Variants in TSC22D3 observed in about 807,000 individuals in gnomAD.
TSC22D3 encodes TSC22 domain family member 3.
Under a neutral mutation model 11.1 loss-of-function variants are expected in TSC22D3, and 4 were observed. The observed-to-expected ratio is 0.36, with a 90% CI of 0.18 to 0.83. TSC22D3 has a LOEUF of 0.83. Ranked by LOEUF, TSC22D3 falls within the 40% of genes least tolerant of loss-of-function variation. TSC22D3 has a pLI of 0.48. For synonymous variants in TSC22D3, 77 were observed against 70.3 expected, an observed-to-expected ratio of 1.10 and a Z score of -0.48; for missense variants, 118 against 159.4, an observed-to-expected ratio of 0.74 and a Z score of 1.40.
intron 1 of TSC22D3, among the ~76,000 whole-genome samples, chrX:107,748,350 C>T (rs1272371717): frequency 8.9e-6 from 1 of 111,761 alleles, no homozygotes; most frequent in Non-Finnish European, 1.9e-5. Context: ...TGAAATGAGA[C>T]TCAAGTGAGC....
intron 1 of TSC22D3, among the ~76,000 whole-genome samples, chrX:107,725,809 G>GGGGGA (rs1927591299): frequency 1.8e-5 from 2 of 111,545 alleles, no homozygotes; most frequent in Non-Finnish European, 3.8e-5. Context: ...GACATGCGGC[G>GGGGGA]GGGGAGGGGT....
intron 1 of TSC22D3, chrX:107,716,200 G>T: frequency 1.3e-6 from 1 of 774,160 alleles, no homozygotes; most frequent in Admixed American, 4.1e-5. Context: ...GGAGCTGCTT[G>T]CGAGTCCTGG....
rs766239792 is a variant in TSC22D3, at chrX:107,716,943, G to A, written c.321-993C>T. On this transcript the variant is annotated intron_variant, in intron 1 of 2. Transcript: ENST00000372383. ...CCGGCCCTGAGGCTAGGAGCGGGGC[G>A]AAGGCTGCAGAACGAACCCAAAGCC... 1.1e-4 allele frequency: 124 copies of A among 1,096,296 alleles called. No individual in the cohort carries two copies. In the African/African-American group the frequency reaches 2.0e-3, roughly 18 times the overall value. The allele number at this position is 1,096,296 out of a possible 1,213,427, so 90.3% of individuals were successfully genotyped here. A position where few individuals can be genotyped will look rare whatever the true frequency, so the allele number is the denominator to read the frequency against.
intron 1 of TSC22D3, among the ~76,000 whole-genome samples, chrX:107,749,187 A>G (rs1928820813): frequency 2.6e-5 from 1 of 38,524 alleles, no homozygotes; most frequent in South Asian, 7.4e-4. Flanking sequence ...ATACACACAC[A>G]CACACACACA....
At chrX:107,768,828 A>T (rs1194163629) in intron 1 of TSC22D3, among the ~76,000 whole-genome samples, 1 of 112,946 alleles carries the variant, frequency 8.9e-6, no homozygotes, top group Non-Finnish European at 1.9e-5. Flanking sequence ...AAGGTATGCT[A>T]GACCTTGGCC....
intron 1 of TSC22D3, among the ~76,000 whole-genome samples, chrX:107,734,807 G>A (rs1233278903): frequency 1.0e-5 from 1 of 95,562 alleles, no homozygotes; most frequent in Non-Finnish European, 2.0e-5. Flanking sequence ...CTTATTGAGA[G>A]TTTATTATAT....
chrX:107,745,271 C>G (rs938288339), intron 1 of TSC22D3, among the ~76,000 whole-genome samples: 4 of 112,176 alleles, frequency 3.6e-5, no homozygotes, highest in African/African-American at 9.7e-5. Flanking sequence ...TCATCCATCT[C>G]TTTGGCAAGA....
intron 1 of TSC22D3, among the ~76,000 whole-genome samples, chrX:107,724,035 C>T (rs992388564): frequency 7.1e-5 from 8 of 112,752 alleles, no homozygotes; most frequent in African/African-American, 6.4e-5. Flanking sequence ...CTAGGGCCCT[C>T]GCTTACCTCA....
intron 1 of TSC22D3, among the ~76,000 whole-genome samples, chrX:107,726,132 T>G (rs749121044): frequency 2.7e-5 from 3 of 111,326 alleles, no homozygotes; most frequent in Non-Finnish European, 5.7e-5. Context: ...CCTCACCCCA[T>G]TCCATTGCTT....
Position 107,742,215 on chromosome X carries a change from G to A in TSC22D3, c.321-26265C>T, listed in dbSNP as rs138287605. Among the ~76,000 whole-genome samples, 648 of 106,987 alleles carry A rather than the reference G, an allele frequency of 6.1e-3. 4 individuals are homozygous for A. Among genetic ancestry groups the A allele is most frequent in the African/African-American group, 0.017 (506 of 29,029 alleles). The allele number at this position is 106,987 out of a possible 115,157, so 92.9% of individuals were successfully genotyped here. ...AGAGCCATGTTAAAGGGCTTGGGAC[G>A]GGTGTGCAGTTAAGTCTCAGCATAT... On this transcript the variant is annotated intron_variant, in intron 1 of 2. Transcript: ENST00000372383.
At chrX:107,758,017 C>A (rs1929253779) in intron 1 of TSC22D3, among the ~76,000 whole-genome samples, 2 of 110,828 alleles carry the variant, frequency 1.8e-5, no homozygotes, top group Non-Finnish European at 1.9e-5. Flanking sequence ...CAAAGCAAGA[C>A]CCTGTCTCAA....
At chrX:107,734,503 T>G (rs1928033852) in intron 1 of TSC22D3, among the ~76,000 whole-genome samples, 1 of 111,911 alleles carries the variant, frequency 8.9e-6, no homozygotes, top group Admixed American at 9.4e-5. Flanking sequence ...CATGGTCTCA[T>G]TTTTTGGCCC....
At chrX:107,736,680 G>T (rs915248583) in intron 1 of TSC22D3, among the ~76,000 whole-genome samples, 12 of 110,969 alleles carry the variant, frequency 1.1e-4, no homozygotes, top group Non-Finnish European at 2.1e-4. Flanking sequence ...TCGTCTTTCG[G>T]TCTGTGCTCG....
chrX:107,740,147 G>A (rs1377944872), intron 1 of TSC22D3, among the ~76,000 whole-genome samples: 1 of 112,077 alleles, frequency 8.9e-6, no homozygotes, highest in Admixed American at 9.4e-5. Context: ...AAGTCATACC[G>A]GGTAGAGAAA....
chrX:107,735,745 C>T (rs765968887), intron 1 of TSC22D3, among the ~76,000 whole-genome samples: 2 of 108,244 alleles, frequency 1.8e-5, no homozygotes, highest in South Asian at 4.3e-4. Context: ...CTGACTATTG[C>T]TCTCAGAATG....
At chrX:107,750,028 G>A (rs1044917264) in intron 1 of TSC22D3, among the ~76,000 whole-genome samples, 1 of 111,808 alleles carries the variant, frequency 8.9e-6, no homozygotes, top group African/African-American at 3.3e-5. Flanking sequence ...GCATGTGCCT[G>A]TAGTCCCAGC....
intron 1 of TSC22D3, 115 bp downstream of exon 1, chrX:107,774,985 G>A: frequency 3.4e-6 from 3 of 881,869 alleles, no homozygotes; most frequent in Non-Finnish European, 4.8e-6. Context: ...GCCTGAGTCA[G>A]ACCTCCCCAG....
rs773229815 is a variant in TSC22D3 at position 107,716,849 on chromosome X, C to A, written c.321-899G>T. 7 of 1,198,875 alleles carry A rather than the reference C, an allele frequency of 5.8e-6. No homozygotes were observed. The South Asian group carries it at 9.0e-5, about 15-fold the overall frequency. ...TAGGAAGCTCTGGCCGGGTTTCGTG[C>A]GGGGCTGGGCGGCTGGGCGGCTGGG... On this transcript the variant is annotated intron_variant, in intron 1 of 2. Transcript: ENST00000372383.
At chrX:107,721,731 CA>C (rs1241590760) in intron 1 of TSC22D3, 1 of 319,955 alleles carries the variant, frequency 3.1e-6, no homozygotes, top group Non-Finnish European at 5.6e-6. Flanking sequence ...AAAGGAAATA[CA>C]AAAAGGATAT....
Sources: allele counts gnomAD v4.1 joint callset (sites outside exome capture counted in the v4.1 genomes callset), GRCh38; gene constraint gnomAD v4.1.1; transcripts MANE v1.5; gene names NCBI Gene and HGNC (gene_info 2026-07-23, HGNC 2026-07-21).